The following DGKI variants were observed in gnomAD, a reference collection of about 807,000 sequenced individuals.
DGKI encodes the protein diacylglycerol kinase iota.
In DGKI, 55 loss-of-function variants were observed where a neutral mutation model predicts 147.5. The ratio of observed to expected loss-of-function variants is 0.37; its 90% CI spans 0.30 to 0.47. The LOEUF (loss-of-function observed/expected upper bound fraction) is 0.47, where lower values mean the gene tolerates loss of function less well. DGKI is among the 20% of genes least tolerant of loss of function. The pLI is 1.00. For missense variants in DGKI, 1,007 were observed against 1,323.8 expected (o/e 0.76, Z 3.71); for synonymous variants, 469 against 477.1 (o/e 0.98, Z 0.22).
chr7:137,691,018 GC>G (rs1823585350), intron 1 of DGKI, among the ~76,000 whole-genome samples: 1 of 152,178 alleles, frequency 6.6e-6, no homozygotes, highest in South Asian at 2.1e-4. Flanking sequence ...AGGGAGAGGG[GC>G]TTTTCCCCTA....
At chr7:137,774,659 C>A (rs757237275) in intron 1 of DGKI, 2 of 152,144 alleles carry the variant, frequency 1.3e-5, no homozygotes, top group Non-Finnish European at 2.9e-5. Flanking sequence ...TAGTAGTATT[C>A]GAGTGCTCAG....
chr7:137,693,489 A>C (rs984058053), intron 1 of DGKI, among the ~76,000 whole-genome samples: 1 of 152,238 alleles, frequency 6.6e-6, no homozygotes, highest in African/African-American at 2.4e-5. Context: ...AGTTAATATC[A>C]ATTACCTGAA....
chr7:137,802,819 A>T (rs537608239), intron 1 of DGKI, among the ~76,000 whole-genome samples: 1 of 152,310 alleles, frequency 6.6e-6, no homozygotes, highest in Non-Finnish European at 1.5e-5. Context: ...TTCCAACTGC[A>T]CATCTTACTC....
chr7:137,580,101 C>T (rs1021960345), intron 15 of DGKI, among the ~76,000 whole-genome samples: 1 of 152,080 alleles, frequency 6.6e-6, no homozygotes, highest in African/African-American at 2.4e-5. Flanking sequence ...GCTCATTGAG[C>T]TCATTGAATG....
chr7:137,452,792 T>C (rs549267223), intron 27 of DGKI: 1 of 152,340 alleles, frequency 6.6e-6, no homozygotes, highest in East Asian at 1.9e-4. Context: ...GCCCTGAGAG[T>C]TTCCTGGACT....
intron 28 of DGKI, among the ~76,000 whole-genome samples, chr7:137,417,995 C>A (rs1206870598): frequency 1.3e-5 from 2 of 152,220 alleles, no homozygotes; most frequent in East Asian, 3.8e-4. Context: ...GTCCTAGCAG[C>A]AGGAACAGAC....
intron 6 of DGKI, among the ~76,000 whole-genome samples, chr7:137,635,685 C>T (rs908798841): frequency 6.6e-6 from 1 of 152,196 alleles, no homozygotes; most frequent in African/African-American, 2.4e-5. Flanking sequence ...GAAAATATAA[C>T]ACTGGCTTCA....
At chr7:137,718,577 T>TGA (rs1554465168) in intron 1 of DGKI, among the ~76,000 whole-genome samples, 1 of 152,234 alleles carries the variant, frequency 6.6e-6, no homozygotes, top group African/African-American at 2.4e-5. Context: ...TCAGTGGCAC[T>TGA]GCCTCAAAAG....
intron 10 of DGKI, among the ~76,000 whole-genome samples, chr7:137,605,423 C>T (rs1820151491): frequency 6.8e-6 from 1 of 147,590 alleles, no homozygotes; most frequent in South Asian, 2.2e-4. Flanking sequence ...AAGTCAAATC[C>T]CAATAAAATA....
At chr7:137,733,909 T>C (rs943969243) in intron 1 of DGKI, among the ~76,000 whole-genome samples, 1 of 152,124 alleles carries the variant, frequency 6.6e-6, no homozygotes, top group African/African-American at 2.4e-5. Context: ...CACCCTCCAA[T>C]CTACTTCTCC....
At chr7:137,727,329 G>A (rs759620881) in intron 1 of DGKI, among the ~76,000 whole-genome samples, 6 of 152,066 alleles carry the variant, frequency 3.9e-5, no homozygotes, top group Non-Finnish European at 8.8e-5. Context: ...TATGTAATAT[G>A]ACAACAACAC....
chr7:137,425,264 C>A (rs561870212), intron 28 of DGKI, among the ~76,000 whole-genome samples: 1 of 152,230 alleles, frequency 6.6e-6, no homozygotes, highest in Non-Finnish European at 1.5e-5. Flanking sequence ...TCTGCAGCGA[C>A]TGCTGCTGAT....
At chr7:137,729,760 C>T (rs1794816377) in intron 1 of DGKI, among the ~76,000 whole-genome samples, 1 of 152,046 alleles carries the variant, frequency 6.6e-6, no homozygotes, top group Non-Finnish European at 1.5e-5. Flanking sequence ...CTGTATCTTA[C>T]TCTGTCTTTT....
chr7:137,566,232 T>C (rs1199542569), intron 19 of DGKI, among the ~76,000 whole-genome samples: 4 of 152,146 alleles, frequency 2.6e-5, no homozygotes, highest in Non-Finnish European at 5.9e-5. Context: ...AATAACTATA[T>C]TTGTCTGTTT....
At chr7:137,478,402 C>G (rs533820680) in intron 23 of DGKI, among the ~76,000 whole-genome samples, 2 of 152,126 alleles carry the variant, frequency 1.3e-5, no homozygotes, top group Non-Finnish European at 2.9e-5. Context: ...TCCTGCATCA[C>G]GTCTATCTAT....
Position 137,383,167 on chromosome 7 carries a change from T to C in DGKI, c.*8053A>G, listed in dbSNP as rs1038550270. ...TTTGACTCCTGAATCTGTGACCTTT[T>C]TGCTTTAGTAGAAACATATCTTTTT... On this transcript the variant is annotated 3_prime_UTR_variant, in exon 33 of 33. Transcript: ENST00000614521. 2 of 151,868 alleles carry C rather than the reference T, an allele frequency of 1.3e-5. No homozygotes were observed. Among genetic ancestry groups the C allele is most frequent in the African/African-American group, 4.8e-5 (2 of 41,402 alleles). 9.4% of individuals were successfully genotyped at this position (151,868 alleles called of 1,614,324 possible).
chr7:137,446,059 C>T (rs886913001), intron 27 of DGKI, among the ~76,000 whole-genome samples: 1 of 152,114 alleles, frequency 6.6e-6, no homozygotes, highest in Non-Finnish European at 1.5e-5. Flanking sequence ...TAAGTGAAAA[C>T]GTGTCTTGGA....
At chr7:137,809,133 G>T (rs910474280) in intron 1 of DGKI, among the ~76,000 whole-genome samples, 2 of 152,164 alleles carry the variant, frequency 1.3e-5, no homozygotes, top group Non-Finnish European at 2.9e-5. Context: ...TCAGACTTTA[G>T]GGCTTTATCC....
intron 1 of DGKI, among the ~76,000 whole-genome samples, chr7:137,809,511 C>T (rs1489960976): frequency 2.6e-5 from 4 of 152,156 alleles, no homozygotes; most frequent in Non-Finnish European, 5.9e-5. Context: ...TTGTCTCTTT[C>T]CTTCTCATCA....
Sources: gnomAD v4.1 joint callset for allele counts (sites outside exome capture counted in the v4.1 genomes callset) on GRCh38, gnomAD v4.1.1 for gene constraint, MANE v1.5 for transcripts, NCBI Gene and HGNC (gene_info 2026-07-23, HGNC 2026-07-21) for gene names.